The following R3HDM2 variants were observed in gnomAD, a reference collection of about 807,000 sequenced individuals.
R3HDM2 encodes R3H domain-containing protein 2.
In R3HDM2, 38 loss-of-function variants were observed where a neutral mutation model predicts 124.5. The observed-to-expected ratio is 0.31, with a 90% CI of 0.24 to 0.40. The LOEUF is 0.40. R3HDM2 is among the 10% of genes least tolerant of loss of function. The probability of loss-of-function intolerance (pLI) is 1.00; values close to 1 mark genes in which losing one functional copy is unlikely to be tolerated. For missense variants in R3HDM2, 869 were observed against 1,236.9 expected (o/e 0.70, Z 4.46); for synonymous variants, 391 against 448.0 (o/e 0.87, Z 1.61).
intron 2 of R3HDM2, among the ~76,000 whole-genome samples, chr12:57,337,983 A>T (rs1223134396): frequency 6.6e-6 from 1 of 152,222 alleles, no homozygotes; most frequent in Non-Finnish European, 1.5e-5. Flanking sequence ...TGATTAGAAA[A>T]GTACTGCAGG....
intron 20 of R3HDM2, among the ~76,000 whole-genome samples, chr12:57,258,542 A>G (rs60784549): frequency 6.6e-6 from 1 of 151,798 alleles, no homozygotes; most frequent in African/African-American, 2.4e-5. Context: ...ACGGGGTATC[A>G]CCACGTTGGT....
chr12:57,396,701 C>T (rs1278415467), intron 1 of R3HDM2, among the ~76,000 whole-genome samples: 2 of 151,480 alleles, frequency 1.3e-5, no homozygotes, highest in Admixed American at 1.3e-4. Context: ...TTGCTTGAAC[C>T]CAGGAGGCAG....
chr12:57,334,090 T>C (rs1451489473), intron 2 of R3HDM2, among the ~76,000 whole-genome samples: 1 of 151,768 alleles, frequency 6.6e-6, no homozygotes, highest in Non-Finnish European at 1.5e-5. Flanking sequence ...AAAAAAAACC[T>C]CCTCTAGTCC....
intron 2 of R3HDM2, among the ~76,000 whole-genome samples, chr12:57,366,700 T>G (rs888528909): frequency 1.3e-5 from 2 of 151,702 alleles, no homozygotes; most frequent in Non-Finnish European, 1.5e-5. Context: ...TGTTGTTTTG[T>G]TTTTTTTGAG....
intron 2 of R3HDM2, among the ~76,000 whole-genome samples, chr12:57,368,793 A>C (rs2062963519): frequency 6.6e-6 from 1 of 152,110 alleles, no homozygotes; most frequent in Non-Finnish European, 1.5e-5. Flanking sequence ...CTTCACTGTA[A>C]GTATAATAGC....
chr12:57,279,268 C>T (rs868047366), intron 14 of R3HDM2, among the ~76,000 whole-genome samples: 1 of 150,642 alleles, frequency 6.6e-6, no homozygotes, highest in Non-Finnish European at 1.5e-5. Flanking sequence ...CCGCAACCTC[C>T]GCCTCATGGG....
chr12:57,429,956 C>T (rs1276569378), intron 1 of R3HDM2, among the ~76,000 whole-genome samples: 1 of 152,192 alleles, frequency 6.6e-6, no homozygotes, highest in Admixed American at 6.5e-5. Flanking sequence ...TCAGACAGGA[C>T]TCAGGCTTCT....
In R3HDM2 at chr12:57,286,610, G is replaced by A. The variant is rs563676884; in HGVS notation, c.938+2399C>T. 4.6e-5 allele frequency among the ~76,000 whole-genome samples: 7 copies of A among 152,256 alleles called. No homozygotes were observed. In the East Asian group the frequency reaches 7.7e-4, roughly 17 times the overall value. On this transcript the variant is annotated intron_variant, in intron 12 of 23. Transcript: ENST00000402412. ...AAAAGGTCTGGTGAGGGCCAGGCGC[G>A]GTGGCTCACGCCTGTAATATGAGGA...
intron 14 of R3HDM2, among the ~76,000 whole-genome samples, chr12:57,273,495 G>A (rs1296628051): frequency 6.6e-6 from 1 of 152,086 alleles, no homozygotes; most frequent in Non-Finnish European, 1.5e-5. Context: ...AATAACATTG[G>A]TATATATTAT....
intron 1 of R3HDM2, among the ~76,000 whole-genome samples, chr12:57,411,835 G>T (rs1385618347): frequency 6.6e-6 from 1 of 152,224 alleles, no homozygotes; most frequent in East Asian, 1.9e-4. Context: ...ATATCACCCT[G>T]AATTGTAATA....
chr12:57,406,549 G>A (rs1260090210), intron 1 of R3HDM2, among the ~76,000 whole-genome samples: 1 of 151,934 alleles, frequency 6.6e-6, no homozygotes, highest in Non-Finnish European at 1.5e-5. Context: ...AGCGATGAGG[G>A]GAGTATCTTT....
intron 3 of R3HDM2, among the ~76,000 whole-genome samples, chr12:57,309,024 CTGG>C (rs2053354997): frequency 6.6e-6 from 1 of 152,200 alleles, no homozygotes; most frequent in Non-Finnish European, 1.5e-5. Context: ...AGGGCAGAGA[CTGG>C]TGAATTGTAA....
chr12:57,422,334 G>T (rs527749728), intron 1 of R3HDM2, among the ~76,000 whole-genome samples: 3 of 152,132 alleles, frequency 2.0e-5, no homozygotes, highest in African/African-American at 7.2e-5. Flanking sequence ...ATCAAATAAG[G>T]ACTTCAATAT....
chr12:57,388,444 C>T (rs1287254018), intron 2 of R3HDM2, among the ~76,000 whole-genome samples: 2 of 152,154 alleles, frequency 1.3e-5, no homozygotes, highest in African/African-American at 4.8e-5. Context: ...GACAAGTCAG[C>T]AAGAGAAGAA....
At chr12:57,361,607 C>T (rs1356694429) in intron 2 of R3HDM2, among the ~76,000 whole-genome samples, 1 of 151,624 alleles carries the variant, frequency 6.6e-6, no homozygotes, top group Non-Finnish European at 1.5e-5. Context: ...CCACTTGAGC[C>T]CAGGAGTTCA....
At chr12:57,314,790 T>G (rs2054677588) in intron 2 of R3HDM2, among the ~76,000 whole-genome samples, 1 of 152,178 alleles carries the variant, frequency 6.6e-6, no homozygotes, top group Admixed American at 6.5e-5. Flanking sequence ...TTTTCTCTTT[T>G]CCAAGCTTAA....
At chr12:57,384,667 GGTTA>G (rs2065437396) in intron 2 of R3HDM2, among the ~76,000 whole-genome samples, 1 of 152,098 alleles carries the variant, frequency 6.6e-6, no homozygotes, top group South Asian at 2.1e-4. Flanking sequence ...AATCTAGAGA[GGTTA>G]GTAGAAACAG....
At chr12:57,293,026 G>T (rs2048972368) in intron 10 of R3HDM2, among the ~76,000 whole-genome samples, 1 of 152,154 alleles carries the variant, frequency 6.6e-6, no homozygotes, top group Non-Finnish European at 1.5e-5. Flanking sequence ...CTGCTTTAGA[G>T]GGAAAGCAAA....
At chr12:57,418,363 T>C (rs2033987328) in intron 1 of R3HDM2, 1 of 985,036 alleles carries the variant, frequency 1.0e-6, no homozygotes, top group African/African-American at 1.7e-5. Context: ...TCTTTTGCCT[T>C]CAGCAGAGCA....
Sources: gnomAD v4.1 joint callset for allele counts (sites outside exome capture counted in the v4.1 genomes callset) on GRCh38, gnomAD v4.1.1 for gene constraint, MANE v1.5 for transcripts, NCBI Gene and HGNC (gene_info 2026-07-23, HGNC 2026-07-21) for gene names.